LSM14A: variants seen among roughly 807,000 people sequenced by gnomAD.
The protein encoded by LSM14A is LSM14A mRNA processing body assembly factor, also known as protein LSM14 homolog A.
In LSM14A, 14 loss-of-function variants were observed where a neutral mutation model predicts 52.4. The observed-to-expected ratio is 0.27, with a 90% CI of 0.18 to 0.42. The LOEUF (loss-of-function observed/expected upper bound fraction) is 0.42. Among genes scored for constraint, LSM14A ranks in the 10% least tolerant of loss-of-function variants. The pLI is 1.00. For missense variants in LSM14A, 417 were observed against 581.8 expected (o/e 0.72, Z 2.91); for synonymous variants, 185 against 200.3 (o/e 0.92, Z 0.64).
chr19:34,177,801 C>T (rs2069183358), intron 1 of LSM14A, among the ~76,000 whole-genome samples: 1 of 152,148 alleles, frequency 6.6e-6, no homozygotes, highest in Non-Finnish European at 1.5e-5. Flanking sequence ...GAGGCTGAGG[C>T]AGGGGGATTG....
chr19:34,208,417 T>G (rs534785697), intron 3 of LSM14A: 2 of 152,272 alleles, frequency 1.3e-5, no homozygotes, highest in Non-Finnish European at 2.9e-5. Flanking sequence ...GCCAGAACTT[T>G]TTGCAGCTGC....
intron 3 of LSM14A, among the ~76,000 whole-genome samples, chr19:34,198,880 G>A (rs928870254): frequency 2.6e-5 from 4 of 151,828 alleles, no homozygotes; most frequent in Admixed American, 6.6e-5. Context: ...CCAGCTACTC[G>A]GGAGGCTGAG....
chr19:34,177,380 A>G (rs1248032334), intron 1 of LSM14A, among the ~76,000 whole-genome samples: 1 of 152,182 alleles, frequency 6.6e-6, no homozygotes, highest in African/African-American at 2.4e-5. Context: ...TGAGATATTC[A>G]GAGCTTTATA....
intron 1 of LSM14A, among the ~76,000 whole-genome samples, chr19:34,179,978 GAGTGC>G (rs1359976275): frequency 6.6e-6 from 1 of 152,134 alleles, no homozygotes; most frequent in Non-Finnish European, 1.5e-5. Flanking sequence ...GCCCAGGCTG[GAGTGC>G]AGTGGCACGA....
In LSM14A at chr19:34,196,562, A is replaced by G. The variant is rs1042338938; in HGVS notation, c.286-72A>G. On this transcript the variant is annotated intron_variant, in intron 2 of 9. Transcript: ENST00000544216. ...TTTAATAGTTTTCTTAAAAGTAAAAATCTGGAATTTTTTTTTTCGTTATAT... is the reference window on the plus strand; with the variant it reads ...TTTAATAGTTTTCTTAAAAGTAAAAGTCTGGAATTTTTTTTTTCGTTATAT... 8.3e-6 allele frequency: 12 copies of G among 1,454,326 alleles called. No individual in the cohort carries two copies. In the East Asian group the frequency reaches 3.0e-4, roughly 36 times the overall value. The allele number at this position is 1,454,326 out of a possible 1,614,324, so 90.1% of individuals were successfully genotyped here.
intron 4 of LSM14A, 61 bp from the exon 5 acceptor site, chr19:34,215,063 G>T: frequency 7.3e-7 from 1 of 1,366,586 alleles, no homozygotes; most frequent in Non-Finnish European, 1.0e-6. Flanking sequence ...ATTTTTTTTA[G>T]GGTCTAGATT....
chr19:34,221,426 T>G, intron 8 of LSM14A, 81 bp from the exon 9 acceptor site: 1 of 1,416,594 alleles, frequency 7.1e-7, no homozygotes, highest in Non-Finnish European at 9.6e-7. Context: ...TTAGGCTTAA[T>G]TTGGGAGTAG....
intron 9 of LSM14A, chr19:34,226,375 C>CTTTTTTTTTTTTTT: frequency 6.7e-6 from 8 of 1,195,538 alleles, no homozygotes; most frequent in South Asian, 3.2e-5. Flanking sequence ...ATCTCTTTCT[C>CTTTTTTTTTTTTTT]TTTTTTTTTT....
chr19:34,198,962 G>A (rs2071084121), intron 3 of LSM14A, among the ~76,000 whole-genome samples: 2 of 151,692 alleles, frequency 1.3e-5, no homozygotes, highest in South Asian at 4.2e-4. Flanking sequence ...ACTCCAGCCT[G>A]GGCGACAGAG....
intron 2 of LSM14A, among the ~76,000 whole-genome samples, chr19:34,194,888 C>T (rs920515507): frequency 3.3e-5 from 5 of 152,182 alleles, no homozygotes; most frequent in African/African-American, 1.2e-4. Flanking sequence ...CCATAGCTAA[C>T]ATTGAAGGCT....
chr19:34,219,821 T>A lies in LSM14A; in HGVS notation c.1080T>A (p.Asn360Lys). 6.2e-7 allele frequency: 1 copy of A among 1,613,700 alleles called. No individual in the cohort carries two copies. Among genetic ancestry groups the A allele is most frequent in the Non-Finnish European group, 8.5e-7 (1 of 1,179,618 alleles). The change falls in exon 8 of 10, where the codon AAT (asparagine) becomes AAA (lysine). Residue 360 changes from asparagine (N) to lysine (K), a missense_variant. Asn to Lys is a moderately conservative substitution (Grantham distance 94). Around this residue, in one of 2 missense-constraint regions of LSM14A, gnomAD observed 357 missense variants for 457.0 expected, o/e 0.78. Transcript: ENST00000544216. ...ATGAAGAAGATCCACTTGGACCTAATTGCTATTATGACAAAACTAAATCCT... is the reference window on the plus strand; with the variant it reads ...ATGAAGAAGATCCACTTGGACCTAAATGCTATTATGACAAAACTAAATCCT... ...NADEEDPLGP[N>K]CYYDKTKSFF...
intron 1 of LSM14A, among the ~76,000 whole-genome samples, chr19:34,180,862 C>T (rs1028635856): frequency 1.3e-5 from 2 of 152,190 alleles, no homozygotes; most frequent in African/African-American, 2.4e-5. Context: ...GTCATGGTCA[C>T]TTCCTAGCAG....
chr19:34,196,867 TC>T, intron 3 of LSM14A, 104 bp downstream of exon 3: 1 of 997,252 alleles, frequency 1.0e-6, no homozygotes, highest in Non-Finnish European at 1.4e-6. Flanking sequence ...TGTTTGATGT[TC>T]CTTTTGTAAC....
At chr19:34,206,567 C>T (rs563005250) in intron 3 of LSM14A, among the ~76,000 whole-genome samples, 5 of 151,810 alleles carry the variant, frequency 3.3e-5, no homozygotes, top group Non-Finnish European at 5.9e-5. Flanking sequence ...CCCAGCTGCT[C>T]GGGAGGCTGA....
At chr19:34,191,392 A>G (rs942589950) in intron 1 of LSM14A, among the ~76,000 whole-genome samples, 9 of 113,472 alleles carry the variant, frequency 7.9e-5, no homozygotes, top group East Asian at 2.6e-4. Flanking sequence ...CTGGTAATGG[A>G]AAAAAAAACA....
chr19:34,192,319 G>GTTTTTTTTTCTTTTTTTT (rs2070457124), intron 1 of LSM14A, among the ~76,000 whole-genome samples: 1 of 53,410 alleles, frequency 1.9e-5, no homozygotes, highest in East Asian at 5.4e-4. Flanking sequence ...TCTTTTTGTT[G>GTTTTTTTTTCTTTTTTTT]TTTTTTTTTT....
rs564134265 is a variant in LSM14A, at chr19:34,220,571, C to T, written c.1136+694C>T. 3.3e-5 allele frequency among the ~76,000 whole-genome samples: 5 copies of T among 152,134 alleles called. No homozygotes were observed. In the East Asian group the frequency reaches 9.6e-4, roughly 29 times the overall value. ...TTATTGAGAGGTTAATTAAAGGACCCAGTGTGAGGAACTAACAGTTCTAGA... is the reference window on the plus strand; with the variant it reads ...TTATTGAGAGGTTAATTAAAGGACCTAGTGTGAGGAACTAACAGTTCTAGA... On this transcript the variant is annotated intron_variant, in intron 8 of 9. Coordinates refer to ENST00000544216, the MANE Select transcript of LSM14A (RefSeq NM_015578.4).
chr19:34,201,275 A>T (rs905931088), intron 3 of LSM14A, among the ~76,000 whole-genome samples: 4 of 152,212 alleles, frequency 2.6e-5, no homozygotes, highest in African/African-American at 7.2e-5. Context: ...AGAAGTTACC[A>T]AATGAGGAAG....
chr19:34,205,623 A>G (rs1352848635), intron 3 of LSM14A, among the ~76,000 whole-genome samples: 1 of 151,946 alleles, frequency 6.6e-6, no homozygotes, highest in Non-Finnish European at 1.5e-5. Flanking sequence ...TCAAGGTTGC[A>G]GTGAACTATG....
Sources: allele counts gnomAD v4.1 joint callset (sites outside exome capture counted in the v4.1 genomes callset), GRCh38; gene constraint gnomAD v4.1.1; regional missense constraint gnomAD v4.1.1; transcripts MANE v1.5; gene names NCBI Gene and HGNC (gene_info 2026-07-23, HGNC 2026-07-21).